PARD3: variants seen among roughly 807,000 people sequenced by gnomAD.
PARD3 encodes par-3 family cell polarity regulator, also known as partitioning defective 3 homolog.
Under a neutral mutation model 155.4 loss-of-function variants are expected in PARD3, and 75 were observed. That is an observed-to-expected ratio of 0.48 (90% CI 0.40 to 0.58). The LOEUF is 0.58. Ranked by LOEUF, PARD3 falls within the 20% of genes least tolerant of loss-of-function variation. The pLI is 0.00. For missense variants in PARD3, 1,642 were observed against 1,721.7 expected (o/e 0.95, Z 0.82); for synonymous variants, 576 against 610.5 (o/e 0.94, Z 0.83).
intron 2 of PARD3, among the ~76,000 whole-genome samples, chr10:34,606,965 T>TA (rs531578595): frequency 0.36 from 41,026 of 114,708 alleles, 7,643 homozygotes; most frequent in Middle Eastern, 0.43. Context: ...GACTCTGTCT[T>TA]AAAAAAAAAA....
At chr10:34,378,489 T>C (rs1437612547) in intron 9 of PARD3, among the ~76,000 whole-genome samples, 1 of 152,248 alleles carries the variant, frequency 6.6e-6, no homozygotes, top group African/African-American at 2.4e-5. Flanking sequence ...TATTGTGCAA[T>C]AATGACATCC....
At chr10:34,799,926 A>C (rs1237079706) in intron 1 of PARD3, among the ~76,000 whole-genome samples, 1 of 152,096 alleles carries the variant, frequency 6.6e-6, no homozygotes, top group Non-Finnish European at 1.5e-5. Flanking sequence ...CCAGAAGTTC[A>C]AGACCAGCCT....
intron 2 of PARD3, among the ~76,000 whole-genome samples, chr10:34,579,554 C>CTGTGTGTGTGTGTGTGTGTGTG (rs554959827): frequency 8.2e-6 from 1 of 122,466 alleles, no homozygotes; most frequent in African/African-American, 2.8e-5. Flanking sequence ...ACCATTTTCT[C>CTGTGTGTGTGTGTGTGTGTGTG]TGTGTGTGTG....
At chr10:34,469,256 G>A (rs952034301) in intron 4 of PARD3, among the ~76,000 whole-genome samples, 1 of 152,146 alleles carries the variant, frequency 6.6e-6, no homozygotes, top group South Asian at 2.1e-4. Flanking sequence ...AATTACAGGT[G>A]CATGCCAGCA....
intron 1 of PARD3, among the ~76,000 whole-genome samples, chr10:34,745,274 A>T (rs1313076097): frequency 2.6e-5 from 4 of 152,124 alleles, no homozygotes; most frequent in Non-Finnish European, 5.9e-5. Context: ...AGGTAGGAGA[A>T]TCTCTAGAGC....
rs11009887 is a variant in PARD3 at position 34,716,706 on chromosome 10, C to T, written c.121-20287G>A. ...CTCCTGGGTTCAAGCGATTCTCCTGCCTCAGCCTCCCGAGTAGCTGGGATT... is the reference window on the plus strand; with the variant it reads ...CTCCTGGGTTCAAGCGATTCTCCTGTCTCAGCCTCCCGAGTAGCTGGGATT... On this transcript the variant is annotated intron_variant, in intron 1 of 24. Coordinates refer to ENST00000374788, the MANE Select transcript of PARD3 (RefSeq NM_001184785.2). Among the ~76,000 whole-genome samples the T allele has an allele frequency of 1.6e-3, 240 of 150,882 alleles. 3 individuals carry two copies. The South Asian group carries it at 0.022, about 14-fold the overall frequency.
At chr10:34,553,370 ATGTTTTAGATTC>A (rs2084742460) in intron 2 of PARD3, among the ~76,000 whole-genome samples, 1 of 152,222 alleles carries the variant, frequency 6.6e-6, no homozygotes, top group South Asian at 2.1e-4. Context: ...ATTGCCAGCA[ATGTTTTAGATTC>A]AGAGAAGTTA....
chr10:34,186,006 G>A (rs988840371), intron 22 of PARD3, among the ~76,000 whole-genome samples: 3 of 152,062 alleles, frequency 2.0e-5, no homozygotes, highest in East Asian at 1.9e-4. Flanking sequence ...CCAAGGAGTT[G>A]AGCGGCATGT....
Position 34,213,535 on chromosome 10 carries a change from C to G in PARD3, c.3419+56122G>C, listed in dbSNP as rs139555984. Among the ~76,000 whole-genome samples the G allele has an allele frequency of 3.9e-5, 6 of 152,298 alleles. No homozygotes were observed. The East Asian group carries it at 1.2e-3, about 29-fold the overall frequency. ...TCATTCTCACTTCTTACATTCCACT[C>G]AGGCCTGGAAAGCCTATTGGTCTAA... On this transcript the variant is annotated intron_variant, in intron 22 of 24. Coordinates refer to ENST00000374788, the MANE Select transcript of PARD3 (RefSeq NM_001184785.2).
chr10:34,496,074 C>A (rs112360160), intron 3 of PARD3, among the ~76,000 whole-genome samples: 1,766 of 151,840 alleles, frequency 0.012, 31 homozygotes, highest in African/African-American at 0.038. Flanking sequence ...TGGTGGTGTG[C>A]GCCTGTAGTC....
chr10:34,736,257 C>G (rs1312413705), intron 1 of PARD3, among the ~76,000 whole-genome samples: 2 of 151,954 alleles, frequency 1.3e-5, no homozygotes, highest in Non-Finnish European at 2.9e-5. Context: ...GTCTCAATCT[C>G]CTGACCTCAT....
At chr10:34,619,051 T>A (rs970986405) in intron 2 of PARD3, among the ~76,000 whole-genome samples, 8 of 150,860 alleles carry the variant, frequency 5.3e-5, no homozygotes, top group African/African-American at 2.0e-4. Flanking sequence ...AGCCTTTTTT[T>A]TTTTTCTTTT....
intron 1 of PARD3, among the ~76,000 whole-genome samples, chr10:34,747,868 C>T (rs1386970894): frequency 1.3e-5 from 2 of 152,246 alleles, no homozygotes; most frequent in Non-Finnish European, 2.9e-5. Context: ...CTCTCTCTCC[C>T]TGCCTTTCTT....
At position 34,372,518 on chromosome 10, in the gene PARD3, T is replaced by C; in HGVS notation, c.1687A>G (p.Met563Val). 3 of 1,611,572 alleles carry C rather than the reference T, an allele frequency of 1.9e-6. No individual in the cohort carries two copies. Among genetic ancestry groups the C allele is most frequent in the Non-Finnish European group, 2.5e-6 (3 of 1,177,896 alleles). ...PRELNAEPSQ[M>V]QIPKETKAED... ...CTTACCGTTTCTTTTGGAATCTGCA[T>C]CTGGCTTGGCTCTGCATTCTAGAAG... The change falls in exon 12 of 25, where the codon ATG (methionine) becomes GTG (valine). Residue 563 changes from methionine (M) to valine (V), a missense_variant. By Grantham distance (21) the Met-to-Val change is conservative. Coordinates refer to ENST00000374788, the MANE Select transcript of PARD3 (RefSeq NM_001184785.2).
At chr10:34,679,665 G>C (rs531817041) in intron 2 of PARD3, among the ~76,000 whole-genome samples, 15 of 152,302 alleles carry the variant, frequency 9.8e-5, no homozygotes, top group Middle Eastern at 3.4e-3. Flanking sequence ...CACAGAAAGA[G>C]GAGGGAGGGT....
chr10:34,663,747 T>G (rs1376236497), intron 2 of PARD3: 1 of 152,114 alleles, frequency 6.6e-6, no homozygotes, highest in Non-Finnish European at 1.5e-5. Context: ...CATTCTTCTA[T>G]TCATCCACAA....
At chr10:34,615,022 C>G (rs2091157902) in intron 2 of PARD3, among the ~76,000 whole-genome samples, 2 of 151,782 alleles carry the variant, frequency 1.3e-5, no homozygotes, top group African/African-American at 2.4e-5. Context: ...ACTAAAAATA[C>G]AAAAAAAACT....
At chr10:34,611,172 T>C (rs1019478134) in intron 2 of PARD3, among the ~76,000 whole-genome samples, 1 of 152,216 alleles carries the variant, frequency 6.6e-6, no homozygotes, top group Non-Finnish European at 1.5e-5. Flanking sequence ...TATTCTTACA[T>C]GTATTAATGC....
intron 5 of PARD3, among the ~76,000 whole-genome samples, chr10:34,443,603 T>C (rs919132348): frequency 6.6e-6 from 1 of 152,068 alleles, no homozygotes; most frequent in African/African-American, 2.4e-5. Context: ...TCAGAGTTCA[T>C]GAGACTTACT....
Sources: allele counts gnomAD v4.1 joint callset (sites outside exome capture counted in the v4.1 genomes callset), GRCh38; gene constraint gnomAD v4.1.1; transcripts MANE v1.5; gene names NCBI Gene and HGNC (gene_info 2026-07-23, HGNC 2026-07-21).